DLGAP2: variants seen among roughly 807,000 people sequenced by gnomAD.
DLGAP2 encodes disks large-associated protein 2.
Under a neutral mutation model 100.3 loss-of-function variants are expected in DLGAP2, and 26 were observed. The ratio of observed to expected loss-of-function variants is 0.26; its 90% CI spans 0.19 to 0.36. The LOEUF (loss-of-function observed/expected upper bound fraction) is 0.36, where lower values mean the gene tolerates loss of function less well. DLGAP2 is among the 10% of genes least tolerant of loss of function. The pLI is 1.00. For missense variants in DLGAP2, 1,858 were observed against 1,453.2 expected (o/e 1.28, Z -4.53); for synonymous variants, 886 against 630.1 (o/e 1.41, Z -6.08).
intron 3 of DLGAP2, among the ~76,000 whole-genome samples, chr8:1,462,788 C>G (rs1355180549): frequency 6.6e-6 from 1 of 152,228 alleles, no homozygotes; most frequent in East Asian, 1.9e-4. Context: ...CAAGCCTCAT[C>G]TCCGTGAGAT....
chr8:1,041,393 G>A (rs1053713647), intron 2 of DLGAP2, among the ~76,000 whole-genome samples: 1 of 152,220 alleles, frequency 6.6e-6, no homozygotes, highest in Non-Finnish European at 1.5e-5. Context: ...ATCCGCCCTG[G>A]CCAGAGGCAC....
At chr8:1,343,565 A>T (rs2117086383) in intron 3 of DLGAP2, among the ~76,000 whole-genome samples, 1 of 152,370 alleles carries the variant, frequency 6.6e-6, no homozygotes, top group Non-Finnish European at 1.5e-5. Flanking sequence ...AGGTTACCCC[A>T]GAGGCGCTGG....
intron 2 of DLGAP2, among the ~76,000 whole-genome samples, chr8:1,054,909 G>T (rs1184236055): frequency 2.0e-5 from 3 of 152,124 alleles, no homozygotes; most frequent in Non-Finnish European, 2.9e-5. Context: ...AAAAGCACTA[G>T]AACAAAATAA....
intron 3 of DLGAP2, chr8:1,379,588 T>A (rs916329731): frequency 2.0e-5 from 3 of 152,222 alleles, no homozygotes; most frequent in Admixed American, 2.0e-4. Flanking sequence ...GCTGTCATCA[T>A]TTTTAACCAG....
chr8:829,597 C>G lies in DLGAP2; in HGVS notation c.19-78315C>G, dbSNP rs190411806. On this transcript the variant is annotated intron_variant, in intron 1 of 14. Coordinates refer to ENST00000637795, the MANE Select transcript of DLGAP2 (RefSeq NM_001346810.2). ...GCTTTGCTTCTAGAAATCGTGAAAA[C>G]TATAAATTATTTTGTCAGTTATTTC... 5.6e-3 allele frequency among the ~76,000 whole-genome samples: 859 copies of G among 152,250 alleles called. 3 individuals are homozygous for G. The highest frequency in any genetic ancestry group is 9.5e-3 in the Non-Finnish European group (645 of 68,022).
chr8:1,250,168 C>G (rs1404198742), intron 2 of DLGAP2, among the ~76,000 whole-genome samples: 2 of 152,096 alleles, frequency 1.3e-5, no homozygotes, highest in African/African-American at 4.8e-5. Context: ...CGTGAGCCAC[C>G]ATGCCCAGTA....
chr8:912,679 G>A lies in DLGAP2; in HGVS notation c.73+4713G>A, dbSNP rs545141107. On this transcript the variant is annotated intron_variant, in intron 2 of 14. Transcript: ENST00000637795. ...CAGTGTCCATCTTCCTATCTGTGGA[G>A]CTGACCCCCGCACCGTGGTGCCCGC... 7.9e-5 allele frequency among the ~76,000 whole-genome samples: 12 copies of A among 151,742 alleles called. 1 individual carries two copies. The South Asian group carries it at 1.9e-3, about 24-fold the overall frequency.
chr8:1,380,742 C>G (rs1247571807), intron 3 of DLGAP2, among the ~76,000 whole-genome samples: 1 of 151,986 alleles, frequency 6.6e-6, no homozygotes, highest in Non-Finnish European at 1.5e-5. Context: ...AAAGTCATGA[C>G]TATTGGTATT....
At chr8:869,635 C>T (rs1214390947) in intron 1 of DLGAP2, among the ~76,000 whole-genome samples, 4 of 152,178 alleles carry the variant, frequency 2.6e-5, no homozygotes, top group Admixed American at 6.5e-5. Flanking sequence ...ATTTAATCAA[C>T]ATAAGAAAAA....
chr8:1,287,882 C>CCTGT (rs1799976091), intron 3 of DLGAP2, among the ~76,000 whole-genome samples: 1 of 60,832 alleles, frequency 1.6e-5, no homozygotes, highest in African/African-American at 7.3e-5. Context: ...TTTGGTTCAG[C>CCTGT]ATGTGTGTGT....
chr8:1,660,487 G>A (rs1218556446), intron 8 of DLGAP2, among the ~76,000 whole-genome samples: 1 of 152,104 alleles, frequency 6.6e-6, no homozygotes, highest in African/African-American at 2.4e-5. Flanking sequence ...GCCTGTCCCT[G>A]GTCTTCACAC....
intron 2 of DLGAP2, among the ~76,000 whole-genome samples, chr8:995,129 A>G (rs1039108030): frequency 6.6e-6 from 1 of 152,230 alleles, no homozygotes; most frequent in Admixed American, 6.5e-5. Context: ...TGCCTCAGAC[A>G]GTCTTTTAAT....
intron 2 of DLGAP2, among the ~76,000 whole-genome samples, chr8:1,040,140 C>A (rs1217676069): frequency 1.4e-5 from 2 of 142,466 alleles, no homozygotes; most frequent in Non-Finnish European, 3.0e-5. Flanking sequence ...GTGGTCAGCT[C>A]GCTGCACGTG....
At chr8:1,044,292 C>T (rs1802455810) in intron 2 of DLGAP2, among the ~76,000 whole-genome samples, 3 of 152,204 alleles carry the variant, frequency 2.0e-5, no homozygotes, top group Admixed American at 2.0e-4. Context: ...GATGGGGGTT[C>T]ATGATTGCAA....
intron 3 of DLGAP2, among the ~76,000 whole-genome samples, chr8:1,484,453 G>T (rs191040643): frequency 6.6e-6 from 1 of 152,246 alleles, no homozygotes; most frequent in Non-Finnish European, 1.5e-5. Context: ...TTAGGCCTGC[G>T]ACTGGACGGC....
At chr8:1,280,245 C>T (rs534908927) in intron 3 of DLGAP2, among the ~76,000 whole-genome samples, 2 of 152,222 alleles carry the variant, frequency 1.3e-5, no homozygotes, top group East Asian at 3.9e-4. Context: ...CTCATGAGTC[C>T]TGCTACTGAG....
chr8:1,304,189 A>G (rs1800434820), intron 3 of DLGAP2, among the ~76,000 whole-genome samples: 1 of 152,210 alleles, frequency 6.6e-6, no homozygotes, highest in Non-Finnish European at 1.5e-5. Flanking sequence ...CTTGAAAGGA[A>G]CTGAGAGCTG....
At chr8:1,657,524 T>C (rs1798311738) in intron 8 of DLGAP2, among the ~76,000 whole-genome samples, 1 of 152,250 alleles carries the variant, frequency 6.6e-6, no homozygotes, top group African/African-American at 2.4e-5. Flanking sequence ...ATTAATGTGG[T>C]CAAATGATCA....
At chr8:1,392,861 G>T (rs140391332) in intron 3 of DLGAP2, among the ~76,000 whole-genome samples, 7,790 of 148,122 alleles carry the variant, frequency 0.053, 474 homozygotes, top group East Asian at 0.25. Flanking sequence ...GGAATGGGGC[G>T]TGTGTCTTTG....
Sources: allele counts gnomAD v4.1 joint callset (sites outside exome capture counted in the v4.1 genomes callset), GRCh38; gene constraint gnomAD v4.1.1; transcripts MANE v1.5; gene names NCBI Gene and HGNC (gene_info 2026-07-23, HGNC 2026-07-21).